The following TMEM108 variants were observed in gnomAD, a reference collection of about 807,000 sequenced individuals.
The protein encoded by TMEM108 is transmembrane protein 108.
In TMEM108, 12 loss-of-function variants were observed where a neutral mutation model predicts 35.1. That is an observed-to-expected ratio of 0.34 (90% CI 0.22 to 0.55). The LOEUF (loss-of-function observed/expected upper bound fraction) is 0.55. Among genes scored for constraint, TMEM108 ranks in the 20% least tolerant of loss-of-function variants. TMEM108 has a pLI of 0.89. For synonymous variants in TMEM108, 287 were observed against 308.6 expected (o/e 0.93, Z 0.73); for missense variants, 680 against 753.3 (o/e 0.90, Z 1.14).
intron 2 of TMEM108, among the ~76,000 whole-genome samples, chr3:133,193,256 A>G (rs1945526670): frequency 6.6e-6 from 1 of 152,196 alleles, no homozygotes; most frequent in Non-Finnish European, 1.5e-5. Flanking sequence ...AAAAAAAGCT[A>G]TCAAAATCAA....
chr3:133,272,367 T>G (rs1041723604), intron 3 of TMEM108, among the ~76,000 whole-genome samples: 2 of 151,590 alleles, frequency 1.3e-5, no homozygotes, highest in Non-Finnish European at 2.9e-5. Context: ...GGAACTTCCT[T>G]GATGTACAGA....
intron 2 of TMEM108, among the ~76,000 whole-genome samples, chr3:133,093,982 G>C (rs979532413): frequency 6.6e-6 from 1 of 152,148 alleles, no homozygotes; most frequent in Non-Finnish European, 1.5e-5. Context: ...GACATGTGAA[G>C]CAGACACCTG....
At position 133,148,996 on chromosome 3, in the gene TMEM108, C is replaced by CAAACA. The variant is rs1219947548; in HGVS notation, c.-46-80256_-46-80252dup. On this transcript the variant is annotated intron_variant, in intron 2 of 5. Coordinates refer to ENST00000321871, the MANE Select transcript of TMEM108 (RefSeq NM_023943.4). ...TGGGTGACAGAGGGAGACCCTGTCT[C>CAAACA]AAACAAAACAAAACAAAAACAACAA... Among the ~76,000 whole-genome samples the CAAACA allele has an allele frequency of 7.9e-5, 12 of 152,158 alleles. No individual in the cohort carries two copies. In the East Asian group the frequency reaches 1.4e-3, roughly 17 times the overall value.
rs75892477 is a variant in TMEM108, at chr3:133,362,210, G to A, written c.41-17542G>A. Among the ~76,000 whole-genome samples the A allele has an allele frequency of 5.6e-3, 847 of 152,304 alleles. 6 individuals carry two copies. The highest frequency in any genetic ancestry group is 0.02 in the Middle Eastern group (6 of 294). On this transcript the variant is annotated intron_variant, in intron 3 of 5. Transcript: ENST00000321871. ...CAAAAGTTCCGCAACATAATTCGCTGTGCATGAAGATGATATCATTGTTAT... is the reference window on the plus strand; with the variant it reads ...CAAAAGTTCCGCAACATAATTCGCTATGCATGAAGATGATATCATTGTTAT...
intron 2 of TMEM108, among the ~76,000 whole-genome samples, chr3:133,121,232 G>T (rs1421548574): frequency 6.6e-6 from 1 of 152,178 alleles, no homozygotes; most frequent in African/African-American, 2.4e-5. Context: ...AATCTGAATG[G>T]GAGATTTGGA....
intron 2 of TMEM108, among the ~76,000 whole-genome samples, chr3:133,138,749 T>A (rs1944599966): frequency 6.6e-6 from 1 of 152,152 alleles, no homozygotes; most frequent in African/African-American, 2.4e-5. Context: ...CAGGGGCCAT[T>A]TGTACTAACC....
At chr3:133,159,129 T>A (rs12497870) in intron 2 of TMEM108, among the ~76,000 whole-genome samples, 9,350 of 152,254 alleles carry the variant, frequency 0.061, 892 homozygotes, top group African/African-American at 0.2. Context: ...CATCCTTGGT[T>A]TCTGATAGAT....
chr3:133,137,847 T>C (rs3897016), intron 2 of TMEM108, among the ~76,000 whole-genome samples: 81,286 of 151,912 alleles, frequency 0.54, 22,571 homozygotes, highest in African/African-American at 0.67. Context: ...TTGGTGCCCA[T>C]CCAAAGTGGC....
At chr3:133,254,200 A>G (rs541855108) in intron 3 of TMEM108, among the ~76,000 whole-genome samples, 1 of 152,312 alleles carries the variant, frequency 6.6e-6, no homozygotes, top group South Asian at 2.1e-4. Flanking sequence ...TATTAAATAA[A>G]TGTTTGTAGG....
chr3:133,324,172 GA>G (rs1315027508), intron 3 of TMEM108, among the ~76,000 whole-genome samples: 1 of 152,040 alleles, frequency 6.6e-6, no homozygotes, highest in African/African-American at 2.4e-5. Context: ...ATAAATAGAT[GA>G]GACCTAATTA....
intron 3 of TMEM108, among the ~76,000 whole-genome samples, chr3:133,278,928 C>T (rs1371632734): frequency 1.3e-5 from 2 of 152,110 alleles, no homozygotes; most frequent in Admixed American, 6.5e-5. Flanking sequence ...TTGTCCGGAG[C>T]ATTCATGAAA....
intron 2 of TMEM108, among the ~76,000 whole-genome samples, chr3:133,221,660 C>CTTTTTTTTTTTTTTTTTTTTTTT (rs3078806): frequency 3.3e-5 from 2 of 60,356 alleles, no homozygotes; most frequent in African/African-American, 1.2e-4. Flanking sequence ...ACATTGATTC[C>CTTTTTTTTTTTTTTTTTTTTTTT]TTTTTTTTTT....
At chr3:133,196,329 C>A (rs112517024) in intron 2 of TMEM108, among the ~76,000 whole-genome samples, 3 of 152,258 alleles carry the variant, frequency 2.0e-5, no homozygotes, top group Admixed American at 6.5e-5. Flanking sequence ...TTTATCACCA[C>A]GTAGCCTATG....
In TMEM108 at chr3:133,217,459, T is replaced by A. The variant is rs1478903755; in HGVS notation, c.-46-11807T>A. ...AATCTGATTTGTTTATTTTTGCTTT[T>A]GTTGCTTGTGCTTTGGGGTCATATC... On this transcript the variant is annotated intron_variant, in intron 2 of 5. Transcript: ENST00000321871. Among the ~76,000 whole-genome samples, 3 of 152,222 alleles carry A rather than the reference T, an allele frequency of 2.0e-5. No homozygotes were observed. The South Asian group carries it at 6.2e-4, about 32-fold the overall frequency.
At chr3:133,050,219 G>A (rs1022419282) in intron 2 of TMEM108, among the ~76,000 whole-genome samples, 7 of 152,066 alleles carry the variant, frequency 4.6e-5, no homozygotes, top group African/African-American at 1.4e-4. Flanking sequence ...GGAAGGAGGT[G>A]GATAGAACCT....
chr3:133,332,113 CACTT>C (rs2071403068), intron 3 of TMEM108, among the ~76,000 whole-genome samples: 1 of 146,834 alleles, frequency 6.8e-6, no homozygotes, highest in Admixed American at 6.8e-5. Flanking sequence ...CACACACACA[CACTT>C]ACCTAGACAC....
At chr3:133,383,742 G>A (rs1341619674) in intron 4 of TMEM108, among the ~76,000 whole-genome samples, 2 of 152,218 alleles carry the variant, frequency 1.3e-5, no homozygotes, top group Non-Finnish European at 2.9e-5. Context: ...ACCCTGAAAG[G>A]AGCCTTCAGG....
intron 3 of TMEM108, among the ~76,000 whole-genome samples, chr3:133,270,872 A>G (rs1946761996): frequency 6.6e-6 from 1 of 151,902 alleles, no homozygotes; most frequent in African/African-American, 2.4e-5. Context: ...CACTAAAGCA[A>G]CATACAGCTC....
chr3:133,219,329 A>G (rs1945954174), intron 2 of TMEM108, among the ~76,000 whole-genome samples: 1 of 151,768 alleles, frequency 6.6e-6, no homozygotes, highest in Non-Finnish European at 1.5e-5. Context: ...TCTATTGTTT[A>G]TATGGTCTCT....
Sources: gnomAD v4.1 joint callset for allele counts (sites outside exome capture counted in the v4.1 genomes callset) on GRCh38, gnomAD v4.1.1 for gene constraint, MANE v1.5 for transcripts, NCBI Gene and HGNC (gene_info 2026-07-23, HGNC 2026-07-21) for gene names.